MME: variants seen among roughly 807,000 people sequenced by gnomAD.
The protein encoded by MME is neprilysin.
MME carries 98 observed loss-of-function variants against 113.2 expected under a neutral mutation model. That is an observed-to-expected ratio of 0.87 (90% confidence interval 0.74 to 1.02). The LOEUF is 1.02. MME is among the 50% of genes least tolerant of loss of function. The pLI, the probability that MME is intolerant of heterozygous loss-of-function variation, is 0.00. For missense variants in MME, 836 were observed against 896.0 expected (o/e 0.93, Z 0.86); for synonymous variants, 292 against 300.6 (o/e 0.97, Z 0.30).
chr3:155,046,235 T>C (rs1259423346), intron 1 of MME, among the ~76,000 whole-genome samples: 1 of 152,242 alleles, frequency 6.6e-6, no homozygotes, highest in Non-Finnish European at 1.5e-5. Context: ...GTTTACTGAC[T>C]GGTTCCTCTG....
Position 155,066,797 on chromosome 3 carries a change from C to G in MME, c.-10-17361C>G, listed in dbSNP as rs544948426. 3.9e-5 allele frequency among the ~76,000 whole-genome samples: 6 copies of G among 152,298 alleles called. No homozygotes were observed. The South Asian group carries it at 1.2e-3, about 32-fold the overall frequency. ...TGAAAGCCTGAGACTAAGGACTGCT[C>G]TCTGTTGAGAAAAGTGATCAGCTAT... On this transcript the variant is annotated intron_variant, in intron 1 of 22. Transcript: ENST00000492661.
chr3:155,163,012 C>CAAAAAAAAAAAA (rs57700088), intron 17 of MME, among the ~76,000 whole-genome samples: 3 of 78,290 alleles, frequency 3.8e-5, no homozygotes, highest in Non-Finnish European at 5.1e-5. Flanking sequence ...AACTCTGTCT[C>CAAAAAAAAAAAA]AAAAAAAAAA....
intron 1 of MME, among the ~76,000 whole-genome samples, chr3:155,083,274 G>A (rs1469761177): frequency 1.3e-5 from 2 of 152,082 alleles, no homozygotes; most frequent in Admixed American, 1.3e-4. Flanking sequence ...CTGTGCCCCA[G>A]TTTCCTAATT....
intron 1 of MME, among the ~76,000 whole-genome samples, chr3:155,043,067 G>C (rs1029745014): frequency 1.4e-5 from 2 of 147,766 alleles, no homozygotes; most frequent in East Asian, 2.0e-4. Flanking sequence ...ATTATGCTTA[G>C]AGTCTTTTTA....
intron 16 of MME, chr3:155,158,292 G>A (rs1722455824): frequency 6.6e-6 from 1 of 152,042 alleles, no homozygotes; most frequent in South Asian, 2.1e-4. Context: ...GTTCGCAATT[G>A]AGAAACTGAA....
chr3:155,030,751 G>C (rs1274295700), intron 1 of MME, among the ~76,000 whole-genome samples: 1 of 152,174 alleles, frequency 6.6e-6, no homozygotes, highest in East Asian at 1.9e-4. Flanking sequence ...AGCTGCAAAT[G>C]GAATACATGT....
chr3:155,111,265 A>G (rs892200123), intron 3 of MME, among the ~76,000 whole-genome samples: 12 of 152,200 alleles, frequency 7.9e-5, no homozygotes, highest in Non-Finnish European at 1.6e-4. Context: ...AGGTTGATCA[A>G]AGACCCAGCA....
At chr3:155,063,985 A>ATG (rs10699495) in intron 1 of MME, among the ~76,000 whole-genome samples, 13,164 of 151,756 alleles carry the variant, frequency 0.087, 1,643 homozygotes, top group African/African-American at 0.27. Flanking sequence ...GATAGGACTA[A>ATG]TCCTCATAAG....
intron 8 of MME, among the ~76,000 whole-genome samples, chr3:155,126,767 A>T (rs886881779): frequency 6.6e-6 from 1 of 152,050 alleles, no homozygotes; most frequent in Non-Finnish European, 1.5e-5. Context: ...TGGGAGGCCA[A>T]GGCGGGTGGA....
chr3:155,143,103 A>G (rs61758197), intron 12 of MME, among the ~76,000 whole-genome samples: 1 of 152,134 alleles, frequency 6.6e-6, no homozygotes, highest in Non-Finnish European at 1.5e-5. Context: ...CTCATATACC[A>G]TATTTCCCCC....
At chr3:155,041,601 G>T (rs898536764) in intron 1 of MME, among the ~76,000 whole-genome samples, 5 of 152,130 alleles carry the variant, frequency 3.3e-5, no homozygotes, top group Non-Finnish European at 5.9e-5. Flanking sequence ...CTTGAAGATG[G>T]TGGTTCATAT....
chr3:155,099,535 T>G (rs980524231), intron 3 of MME, among the ~76,000 whole-genome samples: 2 of 152,152 alleles, frequency 1.3e-5, no homozygotes, highest in Admixed American at 6.5e-5. Context: ...AGGTACCCAA[T>G]AGCCAGCAGC....
At chr3:155,142,708 G>A (rs1436635) in intron 12 of MME, among the ~76,000 whole-genome samples, 14,997 of 152,188 alleles carry the variant, frequency 0.099, 958 homozygotes, top group Non-Finnish European at 0.15. Context: ...TACACAGATG[G>A]ACAATATTGA....
chr3:155,144,147 A>G (rs1454746026), intron 13 of MME, among the ~76,000 whole-genome samples: 1 of 152,190 alleles, frequency 6.6e-6, no homozygotes, highest in Non-Finnish European at 1.5e-5. Context: ...GCATATATTA[A>G]GACCTATTTA....
intron 1 of MME, among the ~76,000 whole-genome samples, chr3:155,072,467 A>G (rs1229732635): frequency 6.6e-6 from 1 of 152,170 alleles, no homozygotes; most frequent in Non-Finnish European, 1.5e-5. Flanking sequence ...AATATTCTAC[A>G]CAGAGTTTTC....
chr3:155,125,056 C>T (rs559476159), intron 8 of MME, among the ~76,000 whole-genome samples: 8 of 150,960 alleles, frequency 5.3e-5, no homozygotes, highest in South Asian at 4.3e-4. Flanking sequence ...GACTGCTGTG[C>T]TAGCAATCAG....
chr3:155,110,414 G>T (rs917716770), intron 3 of MME, among the ~76,000 whole-genome samples: 1 of 152,184 alleles, frequency 6.6e-6, no homozygotes, highest in African/African-American at 2.4e-5. Flanking sequence ...TTTTCCCAGC[G>T]TATACTACAT....
rs577304555 is a variant in MME at position 155,162,827 on chromosome 3, A to G, written c.1660+2379A>G. The stretch of plus-strand genomic sequence containing the variant: ...CAAGAGTTCGAGACCAGCCTGGCCA[A>G]CATGGTGAAACCCCATCTCTACTAA... On this transcript the variant is annotated intron_variant, in intron 17 of 22. Coordinates refer to ENST00000360490, the MANE Select transcript of MME (RefSeq NM_007289.4). Among the ~76,000 whole-genome samples, 7 of 151,994 alleles carry G rather than the reference A, an allele frequency of 4.6e-5. No individual in the cohort carries two copies. In the South Asian group the frequency reaches 1.5e-3, roughly 32 times the overall value.
upstream of MME, among the ~76,000 whole-genome samples, chr3:155,077,101 C>A (rs1433878164): frequency 6.6e-6 from 1 of 152,162 alleles, no homozygotes; most frequent in Non-Finnish European, 1.5e-5. Context: ...TTATTTTACC[C>A]GGCCCCTATT....
Sources: gnomAD v4.1 joint callset for allele counts (sites outside exome capture counted in the v4.1 genomes callset) on GRCh38, gnomAD v4.1.1 for gene constraint, MANE v1.5 for transcripts, NCBI Gene and HGNC (gene_info 2026-07-23, HGNC 2026-07-21) for gene names.